Variants in KRT78 observed in about 807,000 individuals in gnomAD.
KRT78 encodes the protein keratin 78, also known as keratin, type II cytoskeletal 78.
KRT78 carries 55 observed loss-of-function variants against 51.4 expected under a neutral mutation model. The observed-to-expected ratio is 1.07, with a 90% CI of 0.86 to 1.34. The LOEUF (loss-of-function observed/expected upper bound fraction) is 1.34. Among genes scored for constraint, KRT78 ranks in the 40% most tolerant of loss-of-function variants. The probability of loss-of-function intolerance (pLI) is 0.00; values close to 1 mark genes in which losing one functional copy is unlikely to be tolerated. For missense variants in KRT78, 652 were observed against 649.4 expected (o/e 1.00, Z -0.04); for synonymous variants, 291 against 264.3 (o/e 1.10, Z -0.98).
At chr12:52,845,333 T>C (rs1288240444) in intron 4 of KRT78, among the ~76,000 whole-genome samples, 3 of 152,008 alleles carry the variant, frequency 2.0e-5, no homozygotes, top group Admixed American at 2.0e-4. Context: ...CATACTCCTC[T>C]CCCTCTCGCT....
Position 52,844,568 on chromosome 12 carries a change from G to C in KRT78, c.912C>G (p.Tyr304Ter). 1 of 1,613,234 alleles carries C rather than the reference G, an allele frequency of 6.2e-7. No individual in the cohort carries two copies. The highest frequency in any genetic ancestry group is 8.5e-7 in the Non-Finnish European group (1 of 1,179,488). The change falls in exon 5 of 9, where the codon TAC becomes TAG. Residue 304 changes from tyrosine (Y) to a stop codon, truncating the protein, a stop_gained. Transcript: ENST00000304620. LOFTEE classifies it high-confidence loss of function. ...RSSKAEAEAL[Y>*]QTKYQELQVS... ...CCCCAGGTCCCACCACCTTGGTCTGGTACAAGGCCTCAGCCTCAGCCTTGC... is the reference window on the plus strand; with the variant it reads ...CCCCAGGTCCCACCACCTTGGTCTGCTACAAGGCCTCAGCCTCAGCCTTGC...
At position 52,848,026 on chromosome 12, in the gene KRT78, A is replaced by C. The variant is rs771853635; in HGVS notation, c.480T>G (p.Pro160=). 2.5e-6 allele frequency: 4 copies of C among 1,614,174 alleles called. No homozygotes were observed. The East Asian group carries it at 8.9e-5, about 36-fold the overall frequency. ...GLSGSQQGLE[P]VFEACLDQLR... ...GCTGATCCAGGCAGGCCTCAAAGACAGGCTCCAGGCCCTGCTGGCTGCCAC... is the reference window on the plus strand; with the variant it reads ...GCTGATCCAGGCAGGCCTCAAAGACCGGCTCCAGGCCCTGCTGGCTGCCAC... Residue 160 remains proline, a synonymous_variant, in exon 2 of 9, where the codon CCT becomes CCG. Transcript: ENST00000304620.
intron 1 of KRT78, chr12:52,848,329 G>T (rs550785165): frequency 4.0e-6 from 6 of 1,486,090 alleles, no homozygotes; most frequent in Non-Finnish European, 5.4e-6. Flanking sequence ...CCTTCCCCCC[G>T]CTGGCTGGCA....
chr12:52,844,655 G>A lies in KRT78; in HGVS notation c.825C>T (p.Tyr275=). 15 of 1,614,164 alleles carry A rather than the reference G, an allele frequency of 9.3e-6. No individual in the cohort carries two copies. Among genetic ancestry groups the A allele is most frequent in the Non-Finnish European group, 1.3e-5 (15 of 1,180,014 alleles). Residue 275 remains tyrosine (Y), a synonymous_variant, in exon 5 of 9, where the codon TAC becomes TAT. Transcript: ENST00000304620. ...SVVLSMDNNR[Y]LDFSSIITEV... is the part of the protein sequence containing the mutation. ...CAGTGATGATGCTGCTGAAGTCCAG[G>A]TAGCGGTTGTTGTCCATGGACAGCA...
intron 4 of KRT78, chr12:52,845,949 T>C (rs918123026): frequency 4.2e-6 from 2 of 470,920 alleles, no homozygotes; most frequent in East Asian, 3.7e-5. Flanking sequence ...CAAGATTCCA[T>C]CTCAAAAAAA....
At chr12:52,841,306 A>T (rs1347582795) in intron 6 of KRT78, among the ~76,000 whole-genome samples, 1 of 150,572 alleles carries the variant, frequency 6.6e-6, no homozygotes. Context: ...ATACGGCGAA[A>T]CCCTGTCTCT....
rs144523395 is a variant in KRT78 at position 52,839,845 on chromosome 12, T to A, written c.1187A>T (p.Tyr396Phe). 6.9e-5 allele frequency: 111 copies of A among 1,613,918 alleles called. No homozygotes were observed. Among genetic ancestry groups the A allele is most frequent in the Non-Finnish European group, 8.7e-5 (103 of 1,180,018 alleles). Reference protein sequence around the residue: ...KQNLARLLCEYQELTSTKLSL... With the variant: ...KQNLARLLCEFQELTSTKLSL... ...AAGCTTCGTGCTCGTCAGCTCCTGG[T>A]ACTCGCACAGCAGCCGGGCCAGGTT... is the stretch of plus-strand genomic sequence containing the variant. Residue 396 changes from tyrosine (Y) to phenylalanine (F), a missense_variant, in exon 7 of 9, where the codon TAC becomes TTC. By Grantham distance (22) the Tyr-to-Phe change is conservative. Transcript: ENST00000304620.
chr12:52,840,921 C>T (rs984086183), intron 6 of KRT78, among the ~76,000 whole-genome samples: 8 of 152,064 alleles, frequency 5.3e-5, no homozygotes. Context: ...TTAAGCCACC[C>T]GATTTGTGGT....
In KRT78 at chr12:52,846,842, A is replaced by G; in HGVS notation, c.600-18T>C. 1 of 1,607,628 alleles carries G rather than the reference A, an allele frequency of 6.2e-7. No homozygotes were observed. Among genetic ancestry groups the G allele is most frequent in the South Asian group, 1.1e-5 (1 of 90,728 alleles). On this transcript the variant is annotated intron_variant, in intron 2 of 8. Coordinates refer to ENST00000304620, the MANE Select transcript of KRT78 (RefSeq NM_173352.4). The stretch of plus-strand genomic sequence containing the variant: ...CCTCATACCTGCCAAATAAGTAGAG[A>G]AGGATGCAGTTTGAGGCTCCACGGT...
At chr12:52,840,894 A>G (rs1940480277) in intron 6 of KRT78, among the ~76,000 whole-genome samples, 1 of 152,116 alleles carries the variant, frequency 6.6e-6, no homozygotes, top group Non-Finnish European at 1.5e-5. Flanking sequence ...ACTGGGAGAG[A>G]TTACATTTCT....
intron 6 of KRT78, among the ~76,000 whole-genome samples, chr12:52,843,042 GAGGGAAGGGAGGA>G (rs1196088030): frequency 1.6e-3 from 170 of 106,536 alleles, no homozygotes; most frequent in African/African-American, 8.1e-3. Context: ...GGGAGGGAGG[GAGGGAAGGGAGGA>G]AGGAAGAAAG....
chr12:52,838,063 G>C lies in KRT78; in HGVS notation c.*1050C>G, dbSNP rs1940386911. 1 of 152,178 alleles carries C rather than the reference G, an allele frequency of 6.6e-6. No homozygotes were observed. The highest frequency in any genetic ancestry group is 2.1e-4 in the South Asian group (1 of 4,826). 9.4% of individuals were successfully genotyped at this position (152,178 alleles called of 1,614,324 possible). ...GCTGAAAAGCCTTCTTGCATAATTT[G>C]GATGGAGCGATTCATGAATCTGAGG... On this transcript the variant is annotated 3_prime_UTR_variant, in exon 9 of 9. Transcript: ENST00000304620.
At position 52,848,113 on chromosome 12, in the gene KRT78, G is replaced by C; in HGVS notation, c.393C>G (p.Phe131Leu). The stretch of plus-strand genomic sequence containing the variant: ...CCAGGACCTTGTTCTGCTGCTCCAG[G>C]AACCGCACCTGCAGCAAAAGCAGAG... The part of the protein sequence containing the change: ...QFASFIDKVR[F>L]LEQQNKVLET... The change falls in exon 2 of 9, where the codon TTC (phenylalanine) becomes TTG (leucine). Residue 131 changes from phenylalanine (F) to leucine (L), a missense_variant. Coordinates refer to ENST00000304620, the MANE Select transcript of KRT78 (RefSeq NM_173352.4). The C allele has an allele frequency of 1.2e-6, 2 of 1,614,044 alleles. No homozygotes were observed. The highest frequency in any genetic ancestry group is 1.7e-6 in the Non-Finnish European group (2 of 1,179,976).
At chr12:52,844,277 C>G in intron 5 of KRT78, 59 bp from the exon 6 acceptor site, 1 of 1,530,118 alleles carries the variant, frequency 6.5e-7, no homozygotes, top group South Asian at 1.3e-5. Flanking sequence ...TTGACCATCT[C>G]CTCATGTTTG....
chr12:52,838,984 T>C lies in KRT78; in HGVS notation c.*129A>G, dbSNP rs960029387. 2.7e-6 allele frequency: 3 copies of C among 1,101,320 alleles called. No homozygotes were observed. Among genetic ancestry groups the C allele is most frequent in the Non-Finnish European group, 3.8e-6 (3 of 779,382 alleles). 68.2% of individuals were successfully genotyped at this position (1,101,320 alleles called of 1,614,324 possible). On this transcript the variant is annotated 3_prime_UTR_variant, in exon 9 of 9. Coordinates refer to ENST00000304620, the MANE Select transcript of KRT78 (RefSeq NM_173352.4). Reference sequence around the variant, plus strand: ...CAGAACAGCAGGAGGGGAGACTTTATTGATTTTTGCAGCATCCGCTGTGGG... The same window carrying C: ...CAGAACAGCAGGAGGGGAGACTTTACTGATTTTTGCAGCATCCGCTGTGGG...
rs1247378854 is a variant in KRT78 at position 52,846,015 on chromosome 12, T to A, written c.756+182A>T. On this transcript the variant is annotated intron_variant, in intron 4 of 8. Coordinates refer to ENST00000304620, the MANE Select transcript of KRT78 (RefSeq NM_173352.4). ...TTTTTTCTGGTTATTCATTGATGTATCCCCAGGACCTAGCAATTCACATAG... is the reference window on the plus strand; with the variant it reads ...TTTTTTCTGGTTATTCATTGATGTAACCCCAGGACCTAGCAATTCACATAG... 5.3e-6 allele frequency: 3 copies of A among 561,530 alleles called. No individual in the cohort carries two copies. The Admixed American group carries it at 9.7e-5, about 18-fold the overall frequency. The allele number at this position is 561,530 out of a possible 1,614,324, so 34.8% of individuals were successfully genotyped here. A position where few individuals can be genotyped will look rare whatever the true frequency, so the allele number is the denominator to read the frequency against.
In KRT78 at chr12:52,839,073, G is replaced by GGGCCAAAT. The variant is rs2120377682; in HGVS notation, c.*32_*39dup. 6.3e-7 allele frequency: 1 copy of GGGCCAAAT among 1,589,812 alleles called. No homozygotes were observed. Among genetic ancestry groups the GGGCCAAAT allele is most frequent in the East Asian group, 2.2e-5 (1 of 44,676 alleles). ...TGCAGAGCCGGCTGATGGGGGGAGT[G>GGGCCAAAT]GGCCAAATGTGTTCAGGAAGGAGGT... On this transcript the variant is annotated 3_prime_UTR_variant, in exon 9 of 9. Transcript: ENST00000304620.
Position 52,839,833 on chromosome 12 carries a change from G to T in KRT78, c.1199C>A (p.Thr400Lys). ...CACATCCAGGGAAAGCTTCGTGCTCGTCAGCTCCTGGTACTCGCACAGCAG... is the reference window on the plus strand; with the variant it reads ...CACATCCAGGGAAAGCTTCGTGCTCTTCAGCTCCTGGTACTCGCACAGCAG... ...ARLLCEYQELTSTKLSLDVEI... is the reference protein window; with the variant it reads ...ARLLCEYQELKSTKLSLDVEI... Residue 400 changes from threonine to lysine, a missense_variant, in exon 7 of 9, where the codon ACG (threonine) becomes AAG (lysine). Thr to Lys is a moderately conservative substitution (Grantham distance 78, BLOSUM62 -1). Transcript: ENST00000304620. The T allele has an allele frequency of 6.2e-7, 1 of 1,613,988 alleles. No homozygotes were observed. The highest frequency in any genetic ancestry group is 8.5e-7 in the Non-Finnish European group (1 of 1,180,030).
Position 52,848,440 on chromosome 12 carries a change from AT to A in KRT78, c.384+106del, listed in dbSNP as rs1940698703. On this transcript the variant is annotated intron_variant, in intron 1 of 8. Transcript: ENST00000304620. ...GAGGGACTTCTTTGCTGCAGAAGTT[AT>A]TAGAAAAGTGGTAGAAGGAGGCCAA... 4.6e-6 allele frequency: 7 copies of A among 1,513,144 alleles called. No individual in the cohort carries two copies. The South Asian group carries it at 6.5e-5, about 14-fold the overall frequency. 93.7% of individuals were successfully genotyped at this position (1,513,144 alleles called of 1,614,324 possible). A position where few individuals can be genotyped will look rare whatever the true frequency, so the allele number is the denominator to read the frequency against.
Sources: gnomAD v4.1 joint callset for allele counts (sites outside exome capture counted in the v4.1 genomes callset) on GRCh38, gnomAD v4.1.1 for gene constraint, MANE v1.5 for transcripts, NCBI Gene and HGNC (gene_info 2026-07-23, HGNC 2026-07-21) for gene names.